XPO4: variants seen among roughly 807,000 people sequenced by gnomAD.
XPO4 encodes exportin 4.
Under a neutral mutation model 143.0 loss-of-function variants are expected in XPO4, and 39 were observed. The ratio of observed to expected loss-of-function variants is 0.27; its 90% confidence interval spans 0.21 to 0.36. The LOEUF (loss-of-function observed/expected upper bound fraction) is 0.36, where lower values mean the gene tolerates loss of function less well. Among genes scored for constraint, XPO4 ranks in the 10% least tolerant of loss-of-function variants. The probability of loss-of-function intolerance (pLI) is 1.00; values close to 1 mark genes in which losing one functional copy is unlikely to be tolerated. For synonymous variants in XPO4, 439 were observed against 474.0 expected, an observed-to-expected ratio of 0.93 and a Z score of 0.96; for missense variants, 907 against 1,348.0, an observed-to-expected ratio of 0.67 and a Z score of 5.12.
intron 6 of XPO4, among the ~76,000 whole-genome samples, chr13:20,837,665 A>T (rs2059931881): frequency 6.6e-6 from 1 of 152,194 alleles, no homozygotes; most frequent in Non-Finnish European, 1.5e-5. Context: ...AAGAGATTTA[A>T]TTGGACTTAC....
intron 3 of XPO4, 143 bp downstream of exon 3, chr13:20,862,574 C>T: frequency 1.0e-6 from 1 of 989,646 alleles, no homozygotes. Context: ...GGAGATCCTC[C>T]CTCTCAGCCT....
Position 20,777,426 on chromosome 13 carries a change from G to C in XPO4, c.*6296C>G, listed in dbSNP as rs2059100784. On this transcript the variant is annotated 3_prime_UTR_variant, in exon 23 of 23. Transcript: ENST00000255305. ...TTGGGAGGAACACTTATAAACTCAT[G>C]ATATGGATAACAGACCTGTGGAAAT... The C allele has an allele frequency of 6.6e-6, 1 of 152,170 alleles. No individual in the cohort carries two copies. The highest frequency in any genetic ancestry group is 2.4e-5 in the African/African-American group (1 of 41,436). 9.4% of individuals were successfully genotyped at this position (152,170 alleles called of 1,614,324 possible). A position where few individuals can be genotyped will look rare whatever the true frequency, so the allele number is the denominator to read the frequency against.
Position 20,796,791 on chromosome 13 carries a change from T to C in XPO4, c.2589A>G (p.Ala863=). ...NLIIEVFVEV[A]HKQICYLGES... is the part of the protein sequence containing the mutation. ...CTCCAAGATAGCATATCTGTTTATG[T>C]GCAACTTCAACAAAAACTTCTATAA... Residue 863 remains alanine (A), a synonymous_variant, in exon 17 of 23, where the codon GCA becomes GCG. Transcript: ENST00000255305. 1.2e-6 allele frequency: 2 copies of C among 1,613,196 alleles called. No individual in the cohort carries two copies. Among genetic ancestry groups the C allele is most frequent in the Admixed American group, 1.7e-5 (1 of 59,960 alleles).
chr13:20,848,702 G>A, intron 4 of XPO4: 1 of 985,378 alleles, frequency 1.0e-6, no homozygotes, highest in Non-Finnish European at 1.2e-6. Flanking sequence ...AGTAAATGCT[G>A]TTTGGATTAA....
chr13:20,870,860 G>A (rs2060290607), intron 1 of XPO4, among the ~76,000 whole-genome samples: 1 of 152,140 alleles, frequency 6.6e-6, no homozygotes, highest in Admixed American at 6.6e-5. Context: ...GCCCAGACTG[G>A]AGTACAGTAG....
At chr13:20,871,551 C>T (rs1478850055) in intron 1 of XPO4, among the ~76,000 whole-genome samples, 2 of 152,176 alleles carry the variant, frequency 1.3e-5, no homozygotes, top group South Asian at 2.1e-4. Flanking sequence ...CTCTGGATTA[C>T]AAAATCCCAA....
chr13:20,822,489 T>C (rs118161228), intron 7 of XPO4, among the ~76,000 whole-genome samples, 200 bp from the exon 8 acceptor site: 3,285 of 152,354 alleles, frequency 0.022, 61 homozygotes, highest in Non-Finnish European at 0.035. Context: ...TATCAATTGA[T>C]TTTTAACTGA....
intron 7 of XPO4, among the ~76,000 whole-genome samples, chr13:20,824,189 T>C (rs1338530658): frequency 1.3e-5 from 2 of 152,242 alleles, no homozygotes; most frequent in East Asian, 3.8e-4. Context: ...ATATAGTAAA[T>C]TCCAAGTACA....
At chr13:20,814,369 T>C (rs890950830) in intron 9 of XPO4, among the ~76,000 whole-genome samples, 1 of 152,198 alleles carries the variant, frequency 6.6e-6, no homozygotes, top group African/African-American at 2.4e-5. Flanking sequence ...ATCCCTCCTA[T>C]TAACACTCTG....
At chr13:20,888,316 G>A (rs1301731442) in intron 1 of XPO4, among the ~76,000 whole-genome samples, 1 of 152,016 alleles carries the variant, frequency 6.6e-6, no homozygotes, top group African/African-American at 2.4e-5. Flanking sequence ...TATATGGCAT[G>A]ATCTTTTGAG....
At chr13:20,799,033 A>G (rs188163204) in intron 16 of XPO4, 132 bp downstream of exon 16, 23 of 992,534 alleles carry the variant, frequency 2.3e-5, no homozygotes, top group South Asian at 1.1e-4. Flanking sequence ...AAAAAAAAAA[A>G]AAAGAAAGAA....
At chr13:20,806,617 A>G (rs368253189) in intron 13 of XPO4, among the ~76,000 whole-genome samples, 38 of 122,734 alleles carry the variant, frequency 3.1e-4, no homozygotes, top group South Asian at 8.4e-4. Flanking sequence ...CAGTGGTGCA[A>G]TCTGAGCTCA....
intron 3 of XPO4, chr13:20,856,199 C>G: frequency 5.1e-6 from 2 of 390,208 alleles, no homozygotes; most frequent in Non-Finnish European, 7.0e-6. Flanking sequence ...GAGATAAATT[C>G]TGATCTAACC....
At chr13:20,805,962 C>G (rs991517564) in intron 13 of XPO4, among the ~76,000 whole-genome samples, 2 of 151,306 alleles carry the variant, frequency 1.3e-5, no homozygotes, top group Admixed American at 1.3e-4. Flanking sequence ...AGTCTGTGCT[C>G]TCAGATACCA....
At chr13:20,855,476 A>G (rs2060134991) in intron 4 of XPO4, 151 bp downstream of exon 4, 11 of 811,208 alleles carry the variant, frequency 1.4e-5, no homozygotes, top group Non-Finnish European at 1.9e-5. Flanking sequence ...AAAAAAAAAA[A>G]GACTAGAAGA....
At chr13:20,853,134 C>T (rs1241427229) in intron 4 of XPO4, 1 of 693,622 alleles carries the variant, frequency 1.4e-6, no homozygotes, top group African/African-American at 2.0e-5. Context: ...AGTTCGAGAC[C>T]AGCCTAGGCA....
chr13:20,795,720 C>T (rs2059349742), intron 18 of XPO4, among the ~76,000 whole-genome samples: 1 of 152,170 alleles, frequency 6.6e-6, no homozygotes, highest in African/African-American at 2.4e-5. Context: ...ATTTGAATCC[C>T]AGTCCTGGCT....
intron 2 of XPO4, among the ~76,000 whole-genome samples, chr13:20,863,278 G>A (rs2138124101): frequency 6.6e-6 from 1 of 152,320 alleles, no homozygotes; most frequent in East Asian, 1.9e-4. Context: ...GATGAGCCAT[G>A]CTGTTAAAAT....
At chr13:20,893,436 T>G (rs1484813171) in intron 1 of XPO4, among the ~76,000 whole-genome samples, 2 of 151,954 alleles carry the variant, frequency 1.3e-5, no homozygotes, top group Non-Finnish European at 2.9e-5. Context: ...GATGAGGATA[T>G]GGAATGAAAC....
Sources: gnomAD v4.1 joint callset for allele counts (sites outside exome capture counted in the v4.1 genomes callset) on GRCh38, gnomAD v4.1.1 for gene constraint, MANE v1.5 for transcripts, NCBI Gene and HGNC (gene_info 2026-07-23, HGNC 2026-07-21) for gene names.